FAM3B: variants seen among roughly 807,000 people sequenced by gnomAD.
FAM3B encodes protein FAM3B.
A neutral mutation model predicts 28.4 loss-of-function variants in FAM3B; 29 were observed. The ratio of observed to expected loss-of-function variants is 1.02; its 90% CI spans 0.76 to 1.39. The LOEUF is 1.39. Among genes scored for constraint, FAM3B ranks in the 40% most tolerant of loss-of-function variants. The pLI is 0.00. For synonymous variants in FAM3B, 91 were observed against 103.0 expected, an observed-to-expected ratio of 0.88 and a Z score of 0.71; for missense variants, 266 against 293.9, an observed-to-expected ratio of 0.91 and a Z score of 0.69.
At chr21:41,351,554 C>T (rs1197634881) in intron 7 of FAM3B, among the ~76,000 whole-genome samples, 1 of 152,070 alleles carries the variant, frequency 6.6e-6, no homozygotes, top group Admixed American at 6.6e-5. Flanking sequence ...GAGAGAAGTG[C>T]CACTGGAGGA....
chr21:41,338,679 G>A (rs1178144302), intron 3 of FAM3B, among the ~76,000 whole-genome samples, 178 bp downstream of exon 3: 5 of 152,190 alleles, frequency 3.3e-5, no homozygotes, highest in African/African-American at 1.2e-4. Context: ...ACCAGGGAAG[G>A]AGCTGATTGT....
At chr21:41,317,277 C>T (rs73905321) in intron 1 of FAM3B, among the ~76,000 whole-genome samples, 44 of 147,782 alleles carry the variant, frequency 3.0e-4, no homozygotes, top group African/African-American at 9.6e-4. Context: ...GGGCTCTCCA[C>T]GCTTCTCCTT....
intron 7 of FAM3B, among the ~76,000 whole-genome samples, chr21:41,355,560 C>CAA (rs2089157817): frequency 6.7e-6 from 1 of 148,956 alleles, no homozygotes; most frequent in South Asian, 2.1e-4. Flanking sequence ...CTAAGTGAAA[C>CAA]AAACAAACAA....
chr21:41,348,461 C>A, intron 6 of FAM3B, 131 bp from the exon 7 acceptor site: 1 of 949,726 alleles, frequency 1.1e-6, no homozygotes, highest in Non-Finnish European at 1.6e-6. Context: ...GTGTGTCATG[C>A]ACTGCAGCAG....
chr21:41,331,693 T>A (rs1316436895), intron 2 of FAM3B, among the ~76,000 whole-genome samples: 1 of 152,216 alleles, frequency 6.6e-6, no homozygotes. Flanking sequence ...GAAGAGACTG[T>A]CCTTTCTCCA....
intron 6 of FAM3B, among the ~76,000 whole-genome samples, chr21:41,347,663 G>A (rs1601372520): frequency 6.8e-6 from 1 of 148,090 alleles, no homozygotes; most frequent in African/African-American, 2.5e-5. Flanking sequence ...TGAGGCAGGA[G>A]AATCGCTTGA....
intron 1 of FAM3B, among the ~76,000 whole-genome samples, chr21:41,322,190 AC>A (rs143899115): frequency 0.068 from 10,263 of 152,006 alleles, 404 homozygotes; most frequent in Middle Eastern, 0.15. Flanking sequence ...ACAGAGAGCC[AC>A]CCCCCAGGCC....
Position 41,337,021 on chromosome 21 carries a change from G to C in FAM3B, c.164-1357G>C, listed in dbSNP as rs148725836. 4.6e-3 allele frequency among the ~76,000 whole-genome samples: 706 copies of C among 152,180 alleles called. 8 individuals carry two copies. The highest frequency in any genetic ancestry group is 0.016 in the African/African-American group (668 of 41,490). On this transcript the variant is annotated intron_variant, in intron 2 of 7. Coordinates refer to ENST00000357985, the MANE Select transcript of FAM3B (RefSeq NM_058186.4). ...TACAGAATTTAATTCATTTACATTT[G>C]TGGTAATTATTGATAGATAAGGCTT...
Position 41,357,352 on chromosome 21 carries a change from T to C in FAM3B, c.*155T>C. Reference sequence around the variant, plus strand: ...ATTTGCTAGTTGTATCAAATCTTGGTACGCAGTATTTTTATACCAGTATTT... The same window carrying C: ...ATTTGCTAGTTGTATCAAATCTTGGCACGCAGTATTTTTATACCAGTATTT... On this transcript the variant is annotated 3_prime_UTR_variant, in exon 8 of 8. Transcript: ENST00000357985. 4.6e-6 allele frequency: 2 copies of C among 432,576 alleles called. No individual in the cohort carries two copies. The highest frequency in any genetic ancestry group is 4.6e-5 in the South Asian group (1 of 21,610). The allele number at this position is 432,576 out of a possible 1,614,324, so 26.8% of individuals were successfully genotyped here.
At chr21:41,308,674 G>T (rs1426881046) in intron 1 of FAM3B, among the ~76,000 whole-genome samples, 1 of 151,648 alleles carries the variant, frequency 6.6e-6, no homozygotes, top group Non-Finnish European at 1.5e-5. Flanking sequence ...AGAGTAGCTG[G>T]GATTACAGGC....
At position 41,326,863 on chromosome 21, in the gene FAM3B, T is replaced by C. The variant is rs574821874; in HGVS notation, c.163+3797T>C. On this transcript the variant is annotated intron_variant, in intron 2 of 7. Transcript: ENST00000357985. The surrounding 1 kb of genome is among the most constrained non-coding windows in gnomAD (Gnocchi z 4.0). ...AGAACCCAGCCCACTGTTCTGCACCTGGGGCCCTTTTCACCCAAGCTCCTC... is the reference window on the plus strand; with the variant it reads ...AGAACCCAGCCCACTGTTCTGCACCCGGGGCCCTTTTCACCCAAGCTCCTC... 7.2e-5 allele frequency among the ~76,000 whole-genome samples: 11 copies of C among 152,344 alleles called. No homozygotes were observed. The highest frequency in any genetic ancestry group is 2.4e-4 in the African/African-American group (10 of 41,580).
intron 1 of FAM3B, among the ~76,000 whole-genome samples, chr21:41,306,677 G>T (rs1012286433): frequency 3.3e-5 from 5 of 152,194 alleles, no homozygotes; most frequent in African/African-American, 1.2e-4. Flanking sequence ...AGTAAACAAT[G>T]CTGTAAACAG....
chr21:41,315,892 A>C (rs1472573214), upstream of FAM3B, among the ~76,000 whole-genome samples: 3 of 152,126 alleles, frequency 2.0e-5, no homozygotes, highest in African/African-American at 7.2e-5. Flanking sequence ...GCTTCTTGAG[A>C]GAGCAGAGGC....
At chr21:41,353,487 C>T (rs994018605) in intron 7 of FAM3B, among the ~76,000 whole-genome samples, 1 of 152,142 alleles carries the variant, frequency 6.6e-6, no homozygotes, top group Non-Finnish European at 1.5e-5. Context: ...ATTGAGACTC[C>T]AGCAGATGTG....
intron 3 of FAM3B, among the ~76,000 whole-genome samples, chr21:41,341,037 T>TTATACACG (rs2089002571): frequency 6.6e-6 from 1 of 152,236 alleles, no homozygotes; most frequent in Non-Finnish European, 1.5e-5. Flanking sequence ...TATATACACA[T>TTATACACG]TATACACGTA....
At chr21:41,315,711 G>C (rs2088743613), upstream of FAM3B, among the ~76,000 whole-genome samples, 1 of 152,116 alleles carries the variant, frequency 6.6e-6, no homozygotes, top group African/African-American at 2.4e-5. Flanking sequence ...CCTCTGGTTT[G>C]GGGAGACTGC....
intron 1 of FAM3B, among the ~76,000 whole-genome samples, chr21:41,304,508 C>T (rs1238311959): frequency 6.6e-6 from 1 of 152,246 alleles, no homozygotes; most frequent in Non-Finnish European, 1.5e-5. Flanking sequence ...CAACTCCCGT[C>T]TAATTCTCAG....
At position 41,357,132 on chromosome 21, in the gene FAM3B, A is replaced by G. The variant is rs2089174231; in HGVS notation, c.643A>G (p.Asn215Asp). The G allele has an allele frequency of 8.7e-6, 14 of 1,613,340 alleles. No homozygotes were observed. The highest frequency in any genetic ancestry group is 1.3e-5 in the African/African-American group (1 of 74,904). ...EKINHSDAKN[N>D]RYSGWPAEIQ... ...GATCAACCACTCTGATGCTAAGAAC[A>G]ACAGATATTCTGGCTGGCCTGCAGA... Residue 215 changes from asparagine to aspartate, a missense_variant, in exon 8 of 8, where the codon AAC becomes GAC. By Grantham distance (23) the Asn-to-Asp change is conservative. Coordinates refer to ENST00000357985, the MANE Select transcript of FAM3B (RefSeq NM_058186.4).
chr21:41,353,175 A>G (rs1331848031), intron 7 of FAM3B, among the ~76,000 whole-genome samples: 1 of 152,262 alleles, frequency 6.6e-6, no homozygotes, highest in East Asian at 1.9e-4. Context: ...GACTTAAAAA[A>G]AGATATTCCA....
Sources: gnomAD v4.1 joint callset for allele counts (sites outside exome capture counted in the v4.1 genomes callset) on GRCh38, gnomAD v4.1.1 for gene constraint, Gnocchi (gnomAD v3.1) non-coding constraint, MANE v1.5 for transcripts, NCBI Gene and HGNC (gene_info 2026-07-23, HGNC 2026-07-21) for gene names.